The following ATL2 variants were observed in gnomAD, a reference collection of about 807,000 sequenced individuals.
The protein encoded by ATL2 is atlastin-2.
Under a neutral mutation model 73.9 loss-of-function variants are expected in ATL2, and 31 were observed. The observed-to-expected ratio is 0.42, with a 90% CI of 0.32 to 0.57. The LOEUF is 0.57. ATL2 is among the 20% of genes least tolerant of loss of function. The probability of loss-of-function intolerance (pLI) is 0.14; values close to 1 mark genes in which losing one functional copy is unlikely to be tolerated. For synonymous variants in ATL2, 291 were observed against 237.5 expected, an observed-to-expected ratio of 1.23 and a Z score of -2.07; for missense variants, 738 against 702.6, an observed-to-expected ratio of 1.05 and a Z score of -0.57.
chr2:38,339,048 T>A (rs1172961175), intron 2 of ATL2, among the ~76,000 whole-genome samples: 1 of 152,084 alleles, frequency 6.6e-6, no homozygotes, highest in African/African-American at 2.4e-5. Flanking sequence ...AAACCCCATC[T>A]CTATTGAAAA....
At chr2:38,339,551 C>T (rs1669578795) in intron 2 of ATL2, among the ~76,000 whole-genome samples, 2 of 151,848 alleles carry the variant, frequency 1.3e-5, no homozygotes, top group Non-Finnish European at 2.9e-5. Context: ...AATATGACCT[C>T]TAATATTGTG....
chr2:38,371,240 G>A (rs1671672512), intron 1 of ATL2, among the ~76,000 whole-genome samples: 2 of 151,806 alleles, frequency 1.3e-5, no homozygotes, highest in Non-Finnish European at 2.9e-5. Flanking sequence ...GGGTGTGGTG[G>A]CTGATGCCTG....
At chr2:38,313,900 G>C (rs1303841755) in intron 6 of ATL2, among the ~76,000 whole-genome samples, 1 of 152,052 alleles carries the variant, frequency 6.6e-6, no homozygotes. Flanking sequence ...TCCCAGTTCA[G>C]AAAAAACTGA....
At chr2:38,310,975 G>T (rs1417665777) in intron 7 of ATL2, among the ~76,000 whole-genome samples, 1 of 152,008 alleles carries the variant, frequency 6.6e-6, no homozygotes. Context: ...CAAGTAAGCT[G>T]CCTGGAACAG....
In ATL2 at chr2:38,298,488, G is replaced by C. The variant is rs780577030; in HGVS notation, c.1288C>G (p.Arg430Gly). ...TCTCCACCCATCTTTTTTACTGAACGAAATTGTTTTATCGCCACTTCCTTG... is the reference window on the plus strand; with the variant it reads ...TCTCCACCCATCTTTTTTACTGAACCAAATTGTTTTATCGCCACTTCCTTG... ...DLKEVAIKQF[R>G]SVKKMGGDEF... Residue 430 changes from arginine (R) to glycine (G), a missense_variant, in exon 12 of 13, where the codon CGT becomes GGT. Physicochemically the swap from Arg to Gly is moderately radical, Grantham distance 125. Transcript: ENST00000378954. 9.3e-6 allele frequency: 15 copies of C among 1,614,008 alleles called. 1 individual carries two copies. The highest frequency in any genetic ancestry group is 1.0e-5 in the Non-Finnish European group (12 of 1,180,010).
intron 2 of ATL2, among the ~76,000 whole-genome samples, chr2:38,327,425 C>A (rs1668726467): frequency 6.7e-6 from 1 of 149,216 alleles, no homozygotes; most frequent in South Asian, 2.1e-4. Flanking sequence ...CAGGCAGCCA[C>A]CAAAAAACAC....
chr2:38,375,879 C>T (rs60941472), intron 1 of ATL2, among the ~76,000 whole-genome samples: 18,478 of 152,158 alleles, frequency 0.12, 3,297 homozygotes, highest in African/African-American at 0.4. Flanking sequence ...TCCTTTTCTT[C>T]TTCCCTTAGC....
At chr2:38,366,495 TAA>T (rs1468081816) in intron 1 of ATL2, among the ~76,000 whole-genome samples, 1 of 152,202 alleles carries the variant, frequency 6.6e-6, no homozygotes, top group African/African-American at 2.4e-5. Flanking sequence ...AATTATGTCA[TAA>T]AAAGTTACCA....
At chr2:38,329,423 C>CAAAAAAAAAAAAAAAAAAAAAAAAAAAA (rs70954711) in intron 2 of ATL2, among the ~76,000 whole-genome samples, 1 of 13,672 alleles carries the variant, frequency 7.3e-5, no homozygotes, top group Non-Finnish European at 1.6e-4. Flanking sequence ...ACTCCATCTC[C>CAAAAAAAAAAAAAAAAAAAAAAAAAAAA]AAAAAAAAAA....
rs1309737193 is a variant in ATL2 at position 38,313,066 on chromosome 2, T to C, written c.804+85A>G. The C allele has an allele frequency of 1.4e-5, 12 of 867,410 alleles. No individual in the cohort carries two copies. In the East Asian group the frequency reaches 2.5e-4, roughly 18 times the overall value. 53.7% of individuals were successfully genotyped at this position (867,410 alleles called of 1,614,324 possible). ...CTTTATTCCAACGACACGTAAATAC[T>C]GGTAATGTGACCAGCAGTCCGGACA... On this transcript the variant is annotated intron_variant, in intron 7 of 12. Transcript: ENST00000378954.
Position 38,377,213 on chromosome 2 carries a change from C to G in ATL2, c.48G>C (p.Gly16=). 1 of 1,608,252 alleles carries G rather than the reference C, an allele frequency of 6.2e-7. No individual in the cohort carries two copies. Among genetic ancestry groups the G allele is most frequent in the Non-Finnish European group, 8.5e-7 (1 of 1,178,174 alleles). Residue 16 remains glycine (G), a synonymous_variant, in exon 1 of 13, where the codon GGG becomes GGC. Coordinates refer to ENST00000378954, the MANE Select transcript of ATL2 (RefSeq NM_001135673.4). ...CGCTGGTCCGTCGCCGGCGCCACAG[C>G]CCCTGGTGCGGTTGCTGCCCTCGCG... ...EAARGQQPHQ[G]LWRRRRTSDP...
chr2:38,335,857 A>T (rs1042204190), intron 2 of ATL2, among the ~76,000 whole-genome samples: 1 of 152,120 alleles, frequency 6.6e-6, no homozygotes, highest in African/African-American at 2.4e-5. Flanking sequence ...TGGCTAACAC[A>T]GTGAAACCCC....
rs187231431 is a variant in ATL2 at position 38,351,747 on chromosome 2, C to A, written c.119-8235G>T. On this transcript the variant is annotated intron_variant, in intron 1 of 12. Coordinates refer to ENST00000378954, the MANE Select transcript of ATL2 (RefSeq NM_001135673.4). ...ACCTCAGGCGATCCACCCGCCTCCGCCTCCCAAAGTGCTGGGATTACAGGC... is the reference window on the plus strand; with the variant it reads ...ACCTCAGGCGATCCACCCGCCTCCGACTCCCAAAGTGCTGGGATTACAGGC... 9.2e-3 allele frequency among the ~76,000 whole-genome samples: 1,404 copies of A among 152,060 alleles called. 15 individuals carry two copies. Among genetic ancestry groups the A allele is most frequent in the Non-Finnish European group, 0.014 (924 of 67,974 alleles).
intron 1 of ATL2, among the ~76,000 whole-genome samples, chr2:38,350,186 C>G (rs929125570): frequency 6.6e-6 from 1 of 152,158 alleles, no homozygotes; most frequent in Non-Finnish European, 1.5e-5. Context: ...TTCTTCAATG[C>G]CAAAAATTTA....
At chr2:38,319,309 G>C (rs1004491383) in intron 2 of ATL2, among the ~76,000 whole-genome samples, 1 of 152,124 alleles carries the variant, frequency 6.6e-6, no homozygotes, top group African/African-American at 2.4e-5. Context: ...TTTTCTGAAA[G>C]ATATCCTGGC....
chr2:38,356,624 T>G (rs747372561), intron 1 of ATL2, among the ~76,000 whole-genome samples: 11 of 152,204 alleles, frequency 7.2e-5, no homozygotes, highest in Non-Finnish European at 1.5e-4. Context: ...ACTGAAAAAG[T>G]AGACATGTAT....
At chr2:38,343,148 TTAAAAAAAA>T (rs1669822270) in intron 2 of ATL2, 111 bp downstream of exon 2, 3 of 717,822 alleles carry the variant, frequency 4.2e-6, no homozygotes, top group Admixed American at 6.8e-5. Flanking sequence ...ACCACTTAAA[TTAAAAAAAA>T]AAAAAAAAAA....
intron 12 of ATL2, chr2:38,296,398 G>A: frequency 6.5e-7 from 1 of 1,531,372 alleles, no homozygotes; most frequent in Non-Finnish European, 8.8e-7. Context: ...CAGCATTTAT[G>A]CAGACCGGCC....
chr2:38,296,430 CTACATGTGTAAGTGT>C, intron 12 of ATL2: 1 of 1,556,948 alleles, frequency 6.4e-7, no homozygotes, highest in South Asian at 1.2e-5. Flanking sequence ...GCTTATTGTC[CTACATGTGTAAGTGT>C]GAACACTTCA....
Sources: gnomAD v4.1 joint callset for allele counts (sites outside exome capture counted in the v4.1 genomes callset) on GRCh38, gnomAD v4.1.1 for gene constraint, MANE v1.5 for transcripts, NCBI Gene and HGNC (gene_info 2026-07-23, HGNC 2026-07-21) for gene names.